MPHOSPH9: variants seen among roughly 807,000 people sequenced by gnomAD.
The protein encoded by MPHOSPH9 is M-phase phosphoprotein 9.
A neutral mutation model predicts 145.5 loss-of-function variants in MPHOSPH9; 88 were observed. The observed-to-expected ratio is 0.60, with a 90% CI of 0.51 to 0.72. The LOEUF (loss-of-function observed/expected upper bound fraction) is 0.72, where lower values mean the gene tolerates loss of function less well. MPHOSPH9 is among the 30% of genes least tolerant of loss of function. MPHOSPH9 has a pLI of 0.00. For synonymous variants in MPHOSPH9, 435 were observed against 486.2 expected, an observed-to-expected ratio of 0.89 and a Z score of 1.39; for missense variants, 1,238 against 1,386.6, an observed-to-expected ratio of 0.89 and a Z score of 1.70.
At chr12:123,192,844 C>T (rs1215360879) in intron 13 of MPHOSPH9, among the ~76,000 whole-genome samples, 1 of 151,414 alleles carries the variant, frequency 6.6e-6, no homozygotes, top group Non-Finnish European at 1.5e-5. Flanking sequence ...TAATCCCGCA[C>T]TCAGGTGGGC....
At chr12:123,180,056 C>A in intron 14 of MPHOSPH9, 66 bp from the exon 15 acceptor site, 1 of 891,182 alleles carries the variant, frequency 1.1e-6, no homozygotes, top group South Asian at 2.1e-5. Context: ...TTTTAAAATG[C>A]ATAAAAGAAA....
intron 3 of MPHOSPH9, among the ~76,000 whole-genome samples, chr12:123,225,633 T>C (rs899476076): frequency 6.6e-6 from 1 of 151,988 alleles, no homozygotes; most frequent in Non-Finnish European, 1.5e-5. Context: ...AAAAGGTTGA[T>C]TTCTAATTAT....
chr12:123,222,930 C>A (rs2138613222), intron 4 of MPHOSPH9, 108 bp downstream of exon 4: 2 of 657,860 alleles, frequency 3.0e-6, no homozygotes, highest in Admixed American at 7.3e-5. Context: ...GAGTGAGACT[C>A]CATTTCTATA....
At chr12:123,205,076 A>G (rs1353713358) in intron 8 of MPHOSPH9, among the ~76,000 whole-genome samples, 1 of 152,244 alleles carries the variant, frequency 6.6e-6, no homozygotes, top group Non-Finnish European at 1.5e-5. Flanking sequence ...GAACACTGTC[A>G]CAAATGAGAT....
chr12:123,182,803 A>G (rs1383639915), intron 13 of MPHOSPH9, among the ~76,000 whole-genome samples: 1 of 151,482 alleles, frequency 6.6e-6, no homozygotes, highest in Non-Finnish European at 1.5e-5. Context: ...AATCCTGCCT[A>G]CTTGGGTGGC....
At chr12:123,190,461 T>C (rs1173011275) in intron 13 of MPHOSPH9, among the ~76,000 whole-genome samples, 1 of 152,176 alleles carries the variant, frequency 6.6e-6, no homozygotes, top group African/African-American at 2.4e-5. Context: ...GAGTATTTTA[T>C]TTCTTAAAAT....
At chr12:123,168,073 G>T (rs1354009114) in intron 16 of MPHOSPH9, among the ~76,000 whole-genome samples, 1 of 152,040 alleles carries the variant, frequency 6.6e-6, no homozygotes, top group Non-Finnish European at 1.5e-5. Context: ...ACGATCCTTG[G>T]CCTCTCCATT....
At chr12:123,210,977 C>CTTTTTTTTT (rs907442708) in intron 7 of MPHOSPH9, among the ~76,000 whole-genome samples, 5 of 89,786 alleles carry the variant, frequency 5.6e-5, no homozygotes, top group Non-Finnish European at 1.0e-4. Context: ...TTTGTTTTTT[C>CTTTTTTTTT]TTTTTTTTTT....
intron 20 of MPHOSPH9, 75 bp downstream of exon 20, chr12:123,162,939 C>G: frequency 1.5e-6 from 2 of 1,373,738 alleles, no homozygotes; most frequent in Non-Finnish European, 1.9e-6. Context: ...TTAGTGATAG[C>G]TAGAGACATA....
chr12:123,222,370 A>T (rs757312378), intron 4 of MPHOSPH9, among the ~76,000 whole-genome samples: 3 of 150,560 alleles, frequency 2.0e-5, no homozygotes, highest in Non-Finnish European at 4.4e-5. Context: ...TTTTCTTACA[A>T]ATATAAAAAA....
chr12:123,197,039 T>G (rs907957720), intron 12 of MPHOSPH9, among the ~76,000 whole-genome samples: 8 of 144,658 alleles, frequency 5.5e-5, no homozygotes, highest in African/African-American at 2.0e-4. Flanking sequence ...GGGTTTTTTT[T>G]TTTTTTTTTT....
Position 123,157,038 on chromosome 12 carries a change from A to G in MPHOSPH9, c.3451-130T>C, listed in dbSNP as rs900058880. On this transcript the variant is annotated intron_variant, in intron 23 of 23. Transcript: ENST00000606320. ...AAATTACAATTATTTTGCTTTCTAC[A>G]CGAAACATCTTATGATTTCTTTTAA... is the stretch of plus-strand genomic sequence containing the variant. 1.1e-5 allele frequency: 6 copies of G among 559,976 alleles called. No homozygotes were observed. In the Admixed American group the frequency reaches 1.3e-4, roughly 12 times the overall value. The allele number at this position is 559,976 out of a possible 1,614,324, so 34.7% of individuals were successfully genotyped here.
intron 13 of MPHOSPH9, among the ~76,000 whole-genome samples, chr12:123,190,284 C>T (rs955134866): frequency 3.3e-5 from 5 of 151,884 alleles, no homozygotes; most frequent in Non-Finnish European, 5.9e-5. Context: ...TCCCGAGTAG[C>T]TGGGACTACA....
intron 11 of MPHOSPH9, among the ~76,000 whole-genome samples, chr12:123,198,583 G>A (rs1036248371): frequency 6.6e-6 from 1 of 151,974 alleles, no homozygotes; most frequent in Non-Finnish European, 1.5e-5. Flanking sequence ...GCTGAGGCAG[G>A]CAGATCACTT....
intron 11 of MPHOSPH9, among the ~76,000 whole-genome samples, chr12:123,200,262 T>G (rs2046162311): frequency 6.6e-6 from 1 of 152,022 alleles, no homozygotes; most frequent in South Asian, 2.1e-4. Context: ...TCTAAATGAC[T>G]GCCACGTATT....
chr12:123,217,527 C>A (rs1459148707), intron 6 of MPHOSPH9, among the ~76,000 whole-genome samples: 2 of 151,966 alleles, frequency 1.3e-5, no homozygotes, highest in African/African-American at 2.4e-5. Flanking sequence ...TTACTTCTTA[C>A]AATTTAATAA....
chr12:123,243,235 A>ATTT (rs35389455), intron 1 of MPHOSPH9, among the ~76,000 whole-genome samples: 31 of 147,976 alleles, frequency 2.1e-4, no homozygotes, highest in Non-Finnish European at 2.2e-4. Context: ...TTTTAAAACA[A>ATTT]TTTTTTTTTT....
rs2047209947 is a variant in MPHOSPH9 at position 123,221,767 on chromosome 12, G to A, written c.477C>T (p.Ser159=). ...SESQMGFFSL[S]SERNESVIHY... is the part of the protein sequence containing the mutation. ...GGATAACAGATTCATTTCTCTCACT[G>A]CTTAGAGAAAAAAAACCCATTTGAC... The change falls in exon 5 of 24, where the codon AGC becomes AGT. Residue 159 remains serine, a synonymous_variant. Transcript: ENST00000606320. 6.2e-7 allele frequency: 1 copy of A among 1,613,788 alleles called. No individual in the cohort carries two copies. The highest frequency in any genetic ancestry group is 8.5e-7 in the Non-Finnish European group (1 of 1,179,986).
At chr12:123,225,471 A>G (rs1204519528) in intron 3 of MPHOSPH9, among the ~76,000 whole-genome samples, 1 of 144,392 alleles carries the variant, frequency 6.9e-6, no homozygotes, top group Admixed American at 7.0e-5. Context: ...GAAAGAAAGA[A>G]AAGAGAGAGA....
Sources: gnomAD v4.1 joint callset for allele counts (sites outside exome capture counted in the v4.1 genomes callset) on GRCh38, gnomAD v4.1.1 for gene constraint, MANE v1.5 for transcripts, NCBI Gene and HGNC (gene_info 2026-07-23, HGNC 2026-07-21) for gene names.